Variants in ZPBP observed in about 807,000 individuals in gnomAD.
ZPBP encodes the protein zona pellucida binding protein, also known as zona pellucida-binding protein 1.
In ZPBP, 26 loss-of-function variants were observed where a neutral mutation model predicts 44.8. The ratio of observed to expected loss-of-function variants is 0.58; its 90% confidence interval spans 0.43 to 0.81. The LOEUF is 0.81. ZPBP is among the 30% of genes least tolerant of loss of function. The pLI is 0.00. For synonymous variants in ZPBP, 174 were observed against 153.2 expected (o/e 1.14, Z -1.00); for missense variants, 409 against 434.0 (o/e 0.94, Z 0.51).
intron 3 of ZPBP, among the ~76,000 whole-genome samples, chr7:50,067,404 T>C (rs1801568809): frequency 1.3e-5 from 2 of 152,184 alleles, no homozygotes; most frequent in Admixed American, 1.3e-4. Context: ...ATATTTGGAA[T>C]CTGTGTAAAT....
chr7:49,943,687 T>C (rs955166951), intron 7 of ZPBP: 1 of 276,732 alleles, frequency 3.6e-6, no homozygotes, highest in African/African-American at 2.3e-5. Flanking sequence ...AAACATAACG[T>C]GTTCCCAGGG....
chr7:49,977,644 A>C (rs1024825118), intron 7 of ZPBP, among the ~76,000 whole-genome samples: 7 of 152,210 alleles, frequency 4.6e-5, no homozygotes, highest in Non-Finnish European at 7.3e-5. Context: ...AAAAGGCTTG[A>C]ATCAGCAATA....
intron 7 of ZPBP, among the ~76,000 whole-genome samples, chr7:49,971,940 GA>G (rs1230882817): frequency 1.3e-5 from 2 of 151,470 alleles, no homozygotes; most frequent in East Asian, 1.9e-4. Flanking sequence ...GGTTTAACAT[GA>G]AAAAAAATCA....
chr7:50,076,830 A>T (rs1041644180), intron 3 of ZPBP, among the ~76,000 whole-genome samples: 5 of 151,924 alleles, frequency 3.3e-5, no homozygotes, highest in Non-Finnish European at 7.4e-5. Flanking sequence ...ATACAAAGCA[A>T]TCTGGAGATT....
chr7:50,034,306 T>C (rs1799733762), intron 4 of ZPBP, among the ~76,000 whole-genome samples: 1 of 152,088 alleles, frequency 6.6e-6, no homozygotes, highest in South Asian at 2.1e-4. Context: ...TTGAAATCCC[T>C]AGACATCAAA....
At chr7:49,996,982 T>C (rs1396126073) in intron 6 of ZPBP, among the ~76,000 whole-genome samples, 3 of 152,208 alleles carry the variant, frequency 2.0e-5, no homozygotes, top group Admixed American at 2.0e-4. Flanking sequence ...GGCTTCCAGT[T>C]GATTGACTGT....
chr7:50,047,173 C>A (rs1369363963), intron 4 of ZPBP, among the ~76,000 whole-genome samples: 3 of 151,994 alleles, frequency 2.0e-5, no homozygotes, highest in Admixed American at 1.3e-4. Context: ...GGAGGGATAG[C>A]ATTAGGAGAA....
chr7:49,932,264 C>CCAT (rs1322860720), intron 1 of ZPBP, among the ~76,000 whole-genome samples: 1 of 152,192 alleles, frequency 6.6e-6, no homozygotes, highest in Non-Finnish European at 1.5e-5. Context: ...ACAGATTGCA[C>CCAT]CATGCACCTG....
chr7:49,916,940 T>G (rs1793756427), intron 1 of ZPBP: 1 of 152,222 alleles, frequency 6.6e-6, no homozygotes. Context: ...TGTGAAATTT[T>G]TGATGCTGAA....
intron 1 of ZPBP, among the ~76,000 whole-genome samples, chr7:50,092,013 G>A (rs1803017209): frequency 6.6e-6 from 1 of 152,162 alleles, no homozygotes; most frequent in Non-Finnish European, 1.5e-5. Flanking sequence ...TGTAGAAAAT[G>A]AGAATACTGT....
At chr7:49,887,955 T>C (rs1791970616) in intron 2 of ZPBP, among the ~76,000 whole-genome samples, 1 of 152,236 alleles carries the variant, frequency 6.6e-6, no homozygotes, top group Admixed American at 6.5e-5. Flanking sequence ...TTTACATTTG[T>C]GTATCTGTAG....
At chr7:49,879,768 A>C (rs1791592410) in intron 2 of ZPBP, among the ~76,000 whole-genome samples, 1 of 151,910 alleles carries the variant, frequency 6.6e-6, no homozygotes, top group South Asian at 2.1e-4. Context: ...GCCCTTTGCT[A>C]TCTTGGCTAA....
chr7:49,963,847 A>G (rs1163588048), intron 7 of ZPBP, among the ~76,000 whole-genome samples: 1 of 151,808 alleles, frequency 6.6e-6, no homozygotes, highest in Non-Finnish European at 1.5e-5. Flanking sequence ...CAGAATACAG[A>G]AGAGGAAGGA....
intron 2 of ZPBP, among the ~76,000 whole-genome samples, chr7:49,881,780 T>G (rs971894537): frequency 6.6e-6 from 1 of 152,156 alleles, no homozygotes; most frequent in Non-Finnish European, 1.5e-5. Flanking sequence ...AAATATAGAT[T>G]GAAATCACTT....
At chr7:49,922,971 T>A (rs1238361522) in intron 1 of ZPBP, among the ~76,000 whole-genome samples, 1 of 152,184 alleles carries the variant, frequency 6.6e-6, no homozygotes. Flanking sequence ...AAAAAAAGAT[T>A]TTTTGAACTG....
At chr7:49,863,403 T>G (rs1304026470) in intron 2 of ZPBP, among the ~76,000 whole-genome samples, 2 of 152,198 alleles carry the variant, frequency 1.3e-5, no homozygotes, top group Non-Finnish European at 2.9e-5. Flanking sequence ...AGCACCAAAT[T>G]TGGCTTTGTT....
At chr7:50,032,724 G>C (rs1037182563) in intron 4 of ZPBP, among the ~76,000 whole-genome samples, 5 of 152,214 alleles carry the variant, frequency 3.3e-5, no homozygotes, top group African/African-American at 1.2e-4. Context: ...GGGAGTCTGA[G>C]ATTGTTGTAG....
At chr7:49,891,862 C>T (rs1453261234) in intron 2 of ZPBP, among the ~76,000 whole-genome samples, 1 of 152,072 alleles carries the variant, frequency 6.6e-6, no homozygotes, top group African/African-American at 2.4e-5. Context: ...AGTACTCTAA[C>T]TTTCTGCTAT....
rs190135460 is a variant in ZPBP at position 49,951,659 on chromosome 7, T to C, written c.962-14037A>G. ...GGTATATGTCTTGTGAAAAATGGTTTGGCTTATACTCAAAAAGTTAAACAC... is the reference window on the plus strand; with the variant it reads ...GGTATATGTCTTGTGAAAAATGGTTCGGCTTATACTCAAAAAGTTAAACAC... On this transcript the variant is annotated intron_variant, in intron 7 of 7. Coordinates refer to ENST00000046087, the MANE Select transcript of ZPBP (RefSeq NM_007009.3). 2.1e-4 allele frequency among the ~76,000 whole-genome samples: 32 copies of C among 151,716 alleles called. No homozygotes were observed. In the East Asian group the frequency reaches 5.8e-3, roughly 27 times the overall value.
Sources: allele counts gnomAD v4.1 joint callset (sites outside exome capture counted in the v4.1 genomes callset), GRCh38; gene constraint gnomAD v4.1.1; transcripts MANE v1.5; gene names NCBI Gene and HGNC (gene_info 2026-07-23, HGNC 2026-07-21).